The following VSTM2B variants were observed in gnomAD, a reference collection of about 807,000 sequenced individuals.
VSTM2B encodes V-set and transmembrane domain-containing protein 2B.
In VSTM2B, 24 loss-of-function variants were observed where a neutral mutation model predicts 24.0. The ratio of observed to expected loss-of-function variants is 1.00; its 90% CI spans 0.72 to 1.40. VSTM2B has a LOEUF of 1.40. Among genes scored for constraint, VSTM2B ranks in the 40% most tolerant of loss-of-function variants. The pLI, the probability that VSTM2B is intolerant of heterozygous loss-of-function variation, is 0.00. For missense variants in VSTM2B, 399 were observed against 416.4 expected (o/e 0.96, Z 0.36); for synonymous variants, 226 against 194.4 (o/e 1.16, Z -1.35).
intron 4 of VSTM2B, among the ~76,000 whole-genome samples, chr19:29,554,119 T>C (rs1054543733): frequency 5.3e-5 from 8 of 151,944 alleles, no homozygotes; most frequent in African/African-American, 1.9e-4. Flanking sequence ...AGACACATAA[T>C]CATCAGATTC....
intron 4 of VSTM2B, among the ~76,000 whole-genome samples, chr19:29,531,902 C>T (rs1390244818): frequency 6.6e-6 from 1 of 152,226 alleles, no homozygotes; most frequent in Non-Finnish European, 1.5e-5. Context: ...ATCCAGGGAC[C>T]CAGGCTGAGA....
chr19:29,527,991 C>A (rs968553062), intron 2 of VSTM2B, among the ~76,000 whole-genome samples: 1 of 152,206 alleles, frequency 6.6e-6, no homozygotes, highest in Admixed American at 6.5e-5. Context: ...CACCTACATT[C>A]TCCCAGGGTC....
intron 4 of VSTM2B, among the ~76,000 whole-genome samples, chr19:29,552,669 G>A (rs932798999): frequency 1.3e-5 from 2 of 152,242 alleles, no homozygotes; most frequent in South Asian, 4.1e-4. Flanking sequence ...TCCGGGGAGA[G>A]GGGCAGCTGT....
At chr19:29,562,558 G>C (rs143535862) in intron 4 of VSTM2B, among the ~76,000 whole-genome samples, 1,800 of 152,266 alleles carry the variant, frequency 0.012, 38 homozygotes, top group African/African-American at 0.041. Flanking sequence ...AGAGGCCTCC[G>C]GATGGTGCAG....
At chr19:29,549,028 A>C (rs1970213129) in intron 4 of VSTM2B, among the ~76,000 whole-genome samples, 1 of 152,184 alleles carries the variant, frequency 6.6e-6, no homozygotes, top group Non-Finnish European at 1.5e-5. Flanking sequence ...CACCCACCCC[A>C]GTGTTCTGTA....
At chr19:29,542,116 G>T (rs1451502664) in intron 4 of VSTM2B, among the ~76,000 whole-genome samples, 2 of 151,778 alleles carry the variant, frequency 1.3e-5, no homozygotes, top group Non-Finnish European at 2.9e-5. Flanking sequence ...GAGAATGAAT[G>T]GGTGGGCAGA....
chr19:29,545,980 AGCTGCTGCCCCC>A (rs1483653290), intron 4 of VSTM2B, among the ~76,000 whole-genome samples: 5 of 151,964 alleles, frequency 3.3e-5, no homozygotes, highest in Non-Finnish European at 5.9e-5. Context: ...GCCAGTCAGG[AGCTGCTGCCCCC>A]GCCCAGGTGA....
chr19:29,543,030 T>G (rs1970060423), intron 4 of VSTM2B, among the ~76,000 whole-genome samples: 1 of 152,124 alleles, frequency 6.6e-6, no homozygotes, highest in Non-Finnish European at 1.5e-5. Context: ...TCCCTCAGCC[T>G]TTAGGGACAG....
rs1018480967 is a variant in VSTM2B, at chr19:29,530,368, C to T, written c.769+78C>T. The T allele has an allele frequency of 6.9e-6, 9 of 1,313,728 alleles. No homozygotes were observed. The South Asian group carries it at 1.3e-4, about 19-fold the overall frequency. 81.4% of individuals were successfully genotyped at this position (1,313,728 alleles called of 1,614,324 possible). A position where few individuals can be genotyped will look rare whatever the true frequency, so the allele number is the denominator to read the frequency against. The stretch of plus-strand genomic sequence containing the variant: ...CTGCGCCGGGACGCCCCGGGGGGCT[C>T]CGGACCCAGGACCCGCCCCCTGGGC... On this transcript the variant is annotated intron_variant, in intron 4 of 4. Coordinates refer to ENST00000335523, the MANE Select transcript of VSTM2B (RefSeq NM_001146339.2).
intron 4 of VSTM2B, among the ~76,000 whole-genome samples, chr19:29,531,908 T>G (rs1364397255): frequency 6.6e-6 from 1 of 152,246 alleles, no homozygotes; most frequent in Non-Finnish European, 1.5e-5. Context: ...GGACCCAGGC[T>G]GAGAGTACCA....
At chr19:29,562,520 A>G (rs1970554338) in intron 4 of VSTM2B, among the ~76,000 whole-genome samples, 1 of 152,182 alleles carries the variant, frequency 6.6e-6, no homozygotes, top group Admixed American at 6.5e-5. Context: ...GCTGCAGCCC[A>G]GCTGGTGGGG....
In VSTM2B at chr19:29,544,525, CAAAAAAAAAAAAAAA is replaced by C. The variant is rs58540469; in HGVS notation, c.769+14252_769+14266del. On this transcript the variant is annotated intron_variant, in intron 4 of 4. Transcript: ENST00000335523. Reference sequence around the variant, plus strand: ...TGGGCGAAAGAGCGAGACTCTGTCTCAAAAAAAAAAAAAAAAAAAAAAAAAAAAAAACTGAATGTG... The same window carrying C: ...TGGGCGAAAGAGCGAGACTCTGTCTCAAAAAAAAAAAAAAAACTGAATGTG... 4.6e-4 allele frequency among the ~76,000 whole-genome samples: 25 copies of C among 54,362 alleles called. No homozygotes were observed. The East Asian group carries it at 5.2e-3, about 11-fold the overall frequency. 35.7% of individuals were successfully genotyped at this position (54,362 alleles called of 152,430 possible).
At position 29,564,161 on chromosome 19, in the gene VSTM2B, G is replaced by T; in HGVS notation, c.*227G>T. On this transcript the variant is annotated 3_prime_UTR_variant, in exon 5 of 5. Transcript: ENST00000335523. ...GAGTTTGGCCCATGCAGTCTGCATGGGAATCAATGATTTCTCTACTTCAAT... is the reference window on the plus strand; with the variant it reads ...GAGTTTGGCCCATGCAGTCTGCATGTGAATCAATGATTTCTCTACTTCAAT... The T allele has an allele frequency of 4.3e-6, 2 of 466,282 alleles. No homozygotes were observed. The highest frequency in any genetic ancestry group is 7.7e-6 in the Non-Finnish European group (2 of 258,680). 28.9% of individuals were successfully genotyped at this position (466,282 alleles called of 1,614,324 possible).
intron 4 of VSTM2B, among the ~76,000 whole-genome samples, chr19:29,557,281 G>A (rs1291725475): frequency 1.3e-5 from 2 of 152,186 alleles, no homozygotes; most frequent in African/African-American, 2.4e-5. Context: ...ACAAAAACAA[G>A]CAATGGGGAA....
chr19:29,550,846 G>T (rs575313445), intron 4 of VSTM2B, among the ~76,000 whole-genome samples: 1 of 150,302 alleles, frequency 6.7e-6, no homozygotes, highest in Non-Finnish European at 1.5e-5. Context: ...AAAAAAAGCA[G>T]CACTGTTTGC....
At chr19:29,545,676 G>T (rs896774440) in intron 4 of VSTM2B, among the ~76,000 whole-genome samples, 1 of 152,108 alleles carries the variant, frequency 6.6e-6, no homozygotes, top group South Asian at 2.1e-4. Flanking sequence ...CTTTTTTATG[G>T]CTGCATAGTA....
chr19:29,556,625 A>T (rs1970416086), intron 4 of VSTM2B, among the ~76,000 whole-genome samples: 1 of 152,192 alleles, frequency 6.6e-6, no homozygotes, highest in Non-Finnish European at 1.5e-5. Flanking sequence ...ATATCTAGAA[A>T]ACCCCATTGT....
chr19:29,560,162 C>T (rs528797760), intron 4 of VSTM2B, among the ~76,000 whole-genome samples: 9 of 152,264 alleles, frequency 5.9e-5, no homozygotes, highest in South Asian at 2.1e-4. Context: ...TCACTTCACA[C>T]CCGATAATGT....
chr19:29,556,933 A>G (rs979484748), intron 4 of VSTM2B, among the ~76,000 whole-genome samples: 4 of 152,240 alleles, frequency 2.6e-5, no homozygotes, highest in African/African-American at 7.2e-5. Context: ...GGAAGAATCA[A>G]TGTTGTGAAA....
Sources: allele counts gnomAD v4.1 joint callset (sites outside exome capture counted in the v4.1 genomes callset), GRCh38; gene constraint gnomAD v4.1.1; transcripts MANE v1.5; gene names NCBI Gene and HGNC (gene_info 2026-07-23, HGNC 2026-07-21).